Variants in CPEB4 observed in about 807,000 individuals in gnomAD.
The protein encoded by CPEB4 is cytoplasmic polyadenylation element binding protein 4, also known as cytoplasmic polyadenylation element-binding protein 4.
In CPEB4, 12 loss-of-function variants were observed where a neutral mutation model predicts 72.5. That is an observed-to-expected ratio of 0.17 (90% CI 0.11 to 0.27). The LOEUF is 0.27. Ranked by LOEUF, CPEB4 falls within the 10% of genes least tolerant of loss-of-function variation. The pLI is 1.00. For synonymous variants in CPEB4, 302 were observed against 326.3 expected, an observed-to-expected ratio of 0.93 and a Z score of 0.80; for missense variants, 614 against 908.5, an observed-to-expected ratio of 0.68 and a Z score of 4.17.
chr5:173,909,599 T>G (rs935062112), intron 1 of CPEB4, among the ~76,000 whole-genome samples: 3 of 152,140 alleles, frequency 2.0e-5, no homozygotes, highest in Non-Finnish European at 4.4e-5. Flanking sequence ...AGATTATTAG[T>G]TTTAAAAACA....
intron 3 of CPEB4, among the ~76,000 whole-genome samples, chr5:173,935,120 A>G (rs1471501219): frequency 6.6e-6 from 1 of 152,242 alleles, no homozygotes; most frequent in Admixed American, 6.5e-5. Flanking sequence ...GTAAGTCAAA[A>G]TAAGAGAATT....
At chr5:173,918,359 G>C (rs1030712317) in intron 2 of CPEB4, 1 of 152,278 alleles carries the variant, frequency 6.6e-6, no homozygotes, top group Non-Finnish European at 1.5e-5. Context: ...CCTGCTTTCT[G>C]ATTTACTTTT....
chr5:173,913,237 G>A (rs1287113513), intron 2 of CPEB4, among the ~76,000 whole-genome samples: 1 of 146,360 alleles, frequency 6.8e-6, no homozygotes, highest in Non-Finnish European at 1.5e-5. Flanking sequence ...TTGCTCTGTT[G>A]CACAGGCTGG....
rs1331174232 is a variant in CPEB4, at chr5:173,939,290, A to G, written c.1259-3736A>G. On this transcript the variant is annotated intron_variant, in intron 3 of 9. Transcript: ENST00000265085. ...AGCTTTAGGTACATGAACGTGAGCC[A>G]CATTTAAAAATGCCACATGCTCAGT... Among the ~76,000 whole-genome samples, 6 of 152,202 alleles carry G rather than the reference A, an allele frequency of 3.9e-5. No homozygotes were observed. The East Asian group carries it at 1.2e-3, about 29-fold the overall frequency.
chr5:173,937,505 A>C (rs970575812), intron 3 of CPEB4, among the ~76,000 whole-genome samples: 1 of 152,206 alleles, frequency 6.6e-6, no homozygotes, highest in Admixed American at 6.5e-5. Context: ...TGCTACAATA[A>C]TAAGCATGTT....
chr5:173,917,087 G>C (rs547675863), intron 2 of CPEB4, among the ~76,000 whole-genome samples: 7 of 152,266 alleles, frequency 4.6e-5, no homozygotes, highest in Admixed American at 4.6e-4. Context: ...CTCTGTGCAG[G>C]CTGAAATAGC....
intron 1 of CPEB4, among the ~76,000 whole-genome samples, chr5:173,901,896 G>C (rs574054004): frequency 1.3e-5 from 2 of 152,186 alleles, no homozygotes; most frequent in Non-Finnish European, 2.9e-5. Context: ...GGCGCATGGT[G>C]ATAGTATAAG....
Position 173,956,068 on chromosome 5 carries a change from G to A in CPEB4, c.2121G>A (p.Arg707=), listed in dbSNP as rs1161202729. Residue 707 remains arginine, a synonymous_variant, in exon 10 of 10, where the codon AGG becomes AGA. Coordinates refer to ENST00000265085, the MANE Select transcript of CPEB4 (RefSeq NM_030627.4). ...CTGCTATCCATTCTCGTGCTGGCAGGGAATTCCACAAGCCCCTGGTGAAGG... is the reference window on the plus strand; with the variant it reads ...CTGCTATCCATTCTCGTGCTGGCAGAGAATTCCACAAGCCCCTGGTGAAGG... ...CWAAIHSRAG[R]EFHKPLVKEG... is the part of the protein sequence containing the mutation. 1.9e-6 allele frequency: 3 copies of A among 1,614,122 alleles called. No homozygotes were observed. The highest frequency in any genetic ancestry group is 2.5e-6 in the Non-Finnish European group (3 of 1,180,004).
At chr5:173,947,686 A>G (rs2113284732) in intron 5 of CPEB4, among the ~76,000 whole-genome samples, 1 of 152,320 alleles carries the variant, frequency 6.6e-6, no homozygotes, top group Admixed American at 6.5e-5. Context: ...ACATACACAG[A>G]TACAGAAATA....
rs183075125 is a variant in CPEB4 at position 173,904,434 on chromosome 5, A to G, written c.1126-6089A>G. On this transcript the variant is annotated intron_variant, in intron 1 of 9. Transcript: ENST00000265085. ...ATTTGTATGCCACTCTGTCATCTCAATGGGGAAAAGGAAGATAAGATTTCT... is the reference window on the plus strand; with the variant it reads ...ATTTGTATGCCACTCTGTCATCTCAGTGGGGAAAAGGAAGATAAGATTTCT... 4.8e-3 allele frequency among the ~76,000 whole-genome samples: 727 copies of G among 152,298 alleles called. 4 individuals carry two copies. Among genetic ancestry groups the G allele is most frequent in the Non-Finnish European group, 7.3e-3 (494 of 68,020 alleles).
intron 2 of CPEB4, among the ~76,000 whole-genome samples, chr5:173,919,963 T>C (rs1757014977): frequency 6.6e-6 from 1 of 152,220 alleles, no homozygotes; most frequent in Admixed American, 6.5e-5. Flanking sequence ...GAAAATTCTC[T>C]GAAATTGTTC....
At position 173,945,048 on chromosome 5, in the gene CPEB4, C is replaced by T. The variant is rs776881551; in HGVS notation, c.1364C>T (p.Ser455Leu). The T allele has an allele frequency of 1.9e-6, 3 of 1,613,864 alleles. No homozygotes were observed. Among genetic ancestry groups the T allele is most frequent in the Non-Finnish European group, 2.5e-6 (3 of 1,179,930 alleles). Residue 455 changes from serine to leucine, a missense_variant, in exon 5 of 10, where the codon TCA (serine) becomes TTA (leucine). This residue lies in a region of CPEB4 where 458 missense variants were observed against 548.6 expected (regional missense o/e 0.83). Transcript: ENST00000265085. ...CAGCCTCTTCATAGTGGCCTGGGTT[C>T]ACCTCACTGCTTCAGTCACCAGAAT... is the stretch of plus-strand genomic sequence containing the variant. ...GDQPLHSGLGSPHCFSHQNGE... is the reference protein window; with the variant it reads ...GDQPLHSGLGLPHCFSHQNGE...
At chr5:173,942,980 G>C (rs772381212) in intron 3 of CPEB4, 46 bp from the exon 4 acceptor site, 6 of 1,590,768 alleles carry the variant, frequency 3.8e-6, no homozygotes, top group Non-Finnish European at 5.1e-6. Context: ...TGTTTGAAAG[G>C]TTGTTTTGTT....
rs1251761256 is a variant in CPEB4, at chr5:173,958,685, G to A, written c.*2548G>A. 2.1e-5 allele frequency: 3 copies of A among 142,106 alleles called. No individual in the cohort carries two copies. In the East Asian group the frequency reaches 5.7e-4, roughly 27 times the overall value. 8.8% of individuals were successfully genotyped at this position (142,106 alleles called of 1,614,324 possible). A position where few individuals can be genotyped will look rare whatever the true frequency, so the allele number is the denominator to read the frequency against. ...CATGAAAATGACAGATAACACTGTA[G>A]TTCCTAAAAAAAAAATTAAATGCAT... On this transcript the variant is annotated 3_prime_UTR_variant, in exon 10 of 10. Coordinates refer to ENST00000265085, the MANE Select transcript of CPEB4 (RefSeq NM_030627.4).
intron 3 of CPEB4, among the ~76,000 whole-genome samples, chr5:173,941,810 G>A (rs111720687): frequency 0.014 from 2,127 of 152,280 alleles, 54 homozygotes; most frequent in African/African-American, 0.047. Flanking sequence ...CCCGGGAGGC[G>A]GAGGCCGCAG....
chr5:173,905,017 A>AAT (rs201612298), intron 1 of CPEB4, among the ~76,000 whole-genome samples: 2 of 33,160 alleles, frequency 6.0e-5, no homozygotes, highest in African/African-American at 1.1e-4. Context: ...TAATAATAAT[A>AAT]AAAAAATGTA....
intron 3 of CPEB4, among the ~76,000 whole-genome samples, chr5:173,938,382 C>T (rs1369625276): frequency 6.6e-6 from 1 of 152,112 alleles, no homozygotes; most frequent in East Asian, 1.9e-4. Context: ...TGTGCCACCA[C>T]ACCCAGCTAA....
intron 1 of CPEB4, among the ~76,000 whole-genome samples, chr5:173,899,653 G>A (rs1756153242): frequency 6.6e-6 from 1 of 152,174 alleles, no homozygotes; most frequent in Non-Finnish European, 1.5e-5. Context: ...CTGTGGACTT[G>A]TGGGCAAGAC....
intron 5 of CPEB4, among the ~76,000 whole-genome samples, chr5:173,945,567 T>C (rs770462247): frequency 4.6e-5 from 7 of 152,212 alleles, no homozygotes; most frequent in Admixed American, 6.5e-5. Context: ...TTGAAAAATA[T>C]AGCCTACAGT....
Sources: allele counts gnomAD v4.1 joint callset (sites outside exome capture counted in the v4.1 genomes callset), GRCh38; gene constraint gnomAD v4.1.1; regional missense constraint gnomAD v4.1.1; transcripts MANE v1.5; gene names NCBI Gene and HGNC (gene_info 2026-07-23, HGNC 2026-07-21).